The following CA13 variants were observed in gnomAD, a reference collection of about 807,000 sequenced individuals.
The protein encoded by CA13 is carbonic anhydrase 13, also known as CA-XIII.
In CA13, 21 loss-of-function variants were observed where a neutral mutation model predicts 31.5. The observed-to-expected ratio is 0.67, with a 90% CI of 0.47 to 0.96. The LOEUF (loss-of-function observed/expected upper bound fraction) is 0.96. CA13 is among the 40% of genes least tolerant of loss of function. CA13 has a pLI of 0.00. For synonymous variants in CA13, 117 were observed against 111.4 expected (o/e 1.05, Z -0.32); for missense variants, 315 against 318.9 (o/e 0.99, Z 0.09).
At chr8:85,251,853 C>A (rs919760551) in intron 2 of CA13, among the ~76,000 whole-genome samples, 5 of 152,116 alleles carry the variant, frequency 3.3e-5, no homozygotes, top group Non-Finnish European at 5.9e-5. Flanking sequence ...CCTTGTTTTG[C>A]ATTTTCTTAT....
At position 85,249,753 on chromosome 8, in the gene CA13, GGAATAGTAGAGA is replaced by G. The variant is rs546207347; in HGVS notation, c.38-981_38-970del. 4.0e-4 allele frequency: 147 copies of G among 366,482 alleles called. 2 individuals are homozygous for G. In the East Asian group the frequency reaches 0.011, roughly 28 times the overall value. 22.7% of individuals were successfully genotyped at this position (366,482 alleles called of 1,614,324 possible). ...GGTGGTGATAGCTGTATAAATTTCA[GGAATAGTAGAGA>G]GAATAAGAACCTATAACCTATAAAG... is the stretch of plus-strand genomic sequence containing the variant. On this transcript the variant is annotated intron_variant, in intron 1 of 6. Coordinates refer to ENST00000321764, the MANE Select transcript of CA13 (RefSeq NM_198584.3).
At chr8:85,258,812 C>CTGTAG (rs1165971032) in intron 2 of CA13, among the ~76,000 whole-genome samples, 1 of 137,486 alleles carries the variant, frequency 7.3e-6, no homozygotes, top group Non-Finnish European at 1.5e-5. Context: ...TGGTGCATAC[C>CTGTAG]TGTAGTTCTA....
chr8:85,271,215 A>C (rs1396301762), intron 6 of CA13, among the ~76,000 whole-genome samples: 1 of 152,252 alleles, frequency 6.6e-6, no homozygotes, highest in Non-Finnish European at 1.5e-5. Flanking sequence ...TAAACTAGTC[A>C]GTATTCTCAA....
At chr8:85,259,360 T>G (rs961253568) in intron 2 of CA13, 61 bp from the exon 3 acceptor site, 59 of 1,364,516 alleles carry the variant, frequency 4.3e-5, no homozygotes, top group Middle Eastern at 2.4e-4. Flanking sequence ...GATGTTGTGG[T>G]TTGAGCAGCT....
intron 3 of CA13, among the ~76,000 whole-genome samples, chr8:85,266,104 G>T (rs921090138): frequency 5.3e-5 from 8 of 152,216 alleles, no homozygotes; most frequent in African/African-American, 1.9e-4. Context: ...TCTGTGGAAG[G>T]CCTGGAGGAG....
chr8:85,249,197 A>G (rs1218914697), intron 1 of CA13, among the ~76,000 whole-genome samples: 1 of 152,224 alleles, frequency 6.6e-6, no homozygotes, highest in Non-Finnish European at 1.5e-5. Flanking sequence ...CATAGTAAGC[A>G]GTATCAGATT....
intron 3 of CA13, 151 bp downstream of exon 3, chr8:85,259,690 A>G: frequency 4.8e-6 from 3 of 631,244 alleles, no homozygotes; most frequent in Non-Finnish European, 8.2e-6. Context: ...ATGAGAGTTT[A>G]TGAATATGAG....
At chr8:85,276,977 T>C (rs1003418003) in intron 6 of CA13, among the ~76,000 whole-genome samples, 17 of 152,208 alleles carry the variant, frequency 1.1e-4, no homozygotes, top group Non-Finnish European at 2.1e-4. Context: ...CTAGCTAATC[T>C]GGTGGGGACC....
At chr8:85,268,323 A>C in intron 5 of CA13, 149 bp from the exon 6 acceptor site, 2 of 689,012 alleles carry the variant, frequency 2.9e-6, no homozygotes, top group Non-Finnish European at 4.8e-6. Flanking sequence ...GCTTTTTTAA[A>C]GATACTAAAG....
At chr8:85,274,420 A>G (rs2130000508) in intron 6 of CA13, among the ~76,000 whole-genome samples, 1 of 152,210 alleles carries the variant, frequency 6.6e-6, no homozygotes, top group South Asian at 2.1e-4. Flanking sequence ...AGTATTTTAA[A>G]TCCTCCTAAA....
rs77390166 is a variant in CA13, at chr8:85,267,135, C to T, written c.450+432C>T. On this transcript the variant is annotated intron_variant, in intron 4 of 6. Transcript: ENST00000321764. ...ATTGTATTTCCTTTAATCTAACGTT[C>T]ACATGTGGTTAGACAATTATTGTCA... 1,382 of 503,006 alleles carry T rather than the reference C, an allele frequency of 2.7e-3. 18 individuals carry two copies. Among genetic ancestry groups the T allele is most frequent in the African/African-American group, 0.023 (1,078 of 47,746 alleles). The allele number at this position is 503,006 out of a possible 1,614,324, so 31.2% of individuals were successfully genotyped here. A position where few individuals can be genotyped will look rare whatever the true frequency, so the allele number is the denominator to read the frequency against.
rs76054482 is a variant in CA13 at position 85,261,022 on chromosome 8, C to A, written c.354+1483C>A. ...TGAAAAGGGTCCTCCTGACATATGT[C>A]AGAGGCTCAGAGTCTTTACCTGCAG... is the stretch of plus-strand genomic sequence containing the variant. On this transcript the variant is annotated intron_variant, in intron 3 of 6. Coordinates refer to ENST00000321764, the MANE Select transcript of CA13 (RefSeq NM_198584.3). Among the ~76,000 whole-genome samples the A allele has an allele frequency of 8.9e-3, 1,350 of 152,274 alleles. 58 individuals carry two copies. In the East Asian group the frequency reaches 0.1, roughly 12 times the overall value.
rs188642265 is a variant in CA13 at position 85,246,715 on chromosome 8, G to T, written c.37+850G>T. ...TAAATAATAATTATTTGAAATAATC[G>T]CAGTGACACCAAAAAGCCTTATAGT... On this transcript the variant is annotated intron_variant, in intron 1 of 6. Coordinates refer to ENST00000321764, the MANE Select transcript of CA13 (RefSeq NM_198584.3). Among the ~76,000 whole-genome samples the T allele has an allele frequency of 3.3e-5, 5 of 152,014 alleles. No homozygotes were observed. The East Asian group carries it at 7.7e-4, about 23-fold the overall frequency.
intron 3 of CA13, among the ~76,000 whole-genome samples, chr8:85,263,089 A>G (rs1350178625): frequency 6.6e-6 from 1 of 152,174 alleles, no homozygotes; most frequent in African/African-American, 2.4e-5. Flanking sequence ...CATTAAGAGA[A>G]AAATCTAGAG....
chr8:85,269,045 A>G (rs1200632953), intron 6 of CA13, among the ~76,000 whole-genome samples: 1 of 152,222 alleles, frequency 6.6e-6, no homozygotes, highest in Non-Finnish European at 1.5e-5. Context: ...TAGTCCCCAC[A>G]CCTGCTTCTA....
At chr8:85,276,260 C>G (rs531045975) in intron 6 of CA13, among the ~76,000 whole-genome samples, 32 of 152,310 alleles carry the variant, frequency 2.1e-4, no homozygotes, top group African/African-American at 5.5e-4. Flanking sequence ...CTTCCTCCCC[C>G]CGGGGCAGGG....
At chr8:85,250,641 C>G in intron 1 of CA13, 99 bp from the exon 2 acceptor site, 2 of 713,422 alleles carry the variant, frequency 2.8e-6, no homozygotes, top group Non-Finnish European at 4.7e-6. Flanking sequence ...TTAATCTTTG[C>G]GTTTTCTTCA....
At chr8:85,270,214 T>C (rs2129992014) in intron 6 of CA13, among the ~76,000 whole-genome samples, 1 of 152,358 alleles carries the variant, frequency 6.6e-6, no homozygotes, top group African/African-American at 2.4e-5. Flanking sequence ...GCTAATAAAG[T>C]ACACATGTAC....
At chr8:85,255,837 C>T (rs1287140728) in intron 2 of CA13, among the ~76,000 whole-genome samples, 1 of 152,172 alleles carries the variant, frequency 6.6e-6, no homozygotes, top group African/African-American at 2.4e-5. Flanking sequence ...GAGGCCCTAC[C>T]ACCCTTGCTG....
Sources: gnomAD v4.1 joint callset for allele counts (sites outside exome capture counted in the v4.1 genomes callset) on GRCh38, gnomAD v4.1.1 for gene constraint, MANE v1.5 for transcripts, NCBI Gene and HGNC (gene_info 2026-07-23, HGNC 2026-07-21) for gene names.